Variants in PSMA1 observed in about 807,000 individuals in gnomAD.
PSMA1 encodes proteasome subunit alpha type-1.
PSMA1 carries 3 observed loss-of-function variants against 38.4 expected under a neutral mutation model. That is an observed-to-expected ratio of 0.08 (90% CI 0.04 to 0.20). PSMA1 has a LOEUF of 0.20. Among genes scored for constraint, PSMA1 ranks in the 10% least tolerant of loss-of-function variants. PSMA1 has a pLI of 1.00. For missense variants in PSMA1, 227 were observed against 325.3 expected (o/e 0.70, Z 2.32); for synonymous variants, 101 against 107.1 (o/e 0.94, Z 0.35).
At chr11:14,571,867 G>GT (rs560146631) in intron 2 of PSMA1, among the ~76,000 whole-genome samples, 18 of 152,240 alleles carry the variant, frequency 1.2e-4, no homozygotes, top group African/African-American at 4.1e-4. Flanking sequence ...TGCAAGTCTA[G>GT]TCTCTGATAA....
chr11:14,553,876 A>G (rs989093960), intron 2 of PSMA1, among the ~76,000 whole-genome samples: 35 of 152,202 alleles, frequency 2.3e-4, no homozygotes, highest in Admixed American at 2.3e-3. Context: ...GTATAAGTTT[A>G]GATTTTTAAG....
chr11:14,518,952 C>A, intron 2 of PSMA1, 45 bp downstream of exon 2: 2 of 1,461,870 alleles, frequency 1.4e-6, no homozygotes, highest in South Asian at 2.5e-5. Flanking sequence ...ATATTGCAGC[C>A]ACAAAAAGCC....
intron 2 of PSMA1, among the ~76,000 whole-genome samples, chr11:14,592,230 T>C (rs1852425525): frequency 6.6e-6 from 1 of 152,094 alleles, no homozygotes; most frequent in Admixed American, 6.5e-5. Flanking sequence ...GGCTTCATTC[T>C]TGAAGTCAGT....
intron 1 of PSMA1, among the ~76,000 whole-genome samples, chr11:14,638,183 G>A (rs1853134264): frequency 2.0e-5 from 3 of 152,052 alleles, no homozygotes. Flanking sequence ...TCAGAATGAC[G>A]CTAAAGTTTC....
chr11:14,505,520 T>C (rs577518947), intron 9 of PSMA1, among the ~76,000 whole-genome samples: 29 of 152,248 alleles, frequency 1.9e-4, no homozygotes, highest in Admixed American at 2.6e-4. Flanking sequence ...TCCACTTATA[T>C]GCAGATTTCT....
intron 2 of PSMA1, among the ~76,000 whole-genome samples, chr11:14,582,838 C>T (rs1347046884): frequency 6.6e-6 from 1 of 152,122 alleles, no homozygotes; most frequent in Non-Finnish European, 1.5e-5. Context: ...GCCTCATACA[C>T]TTCTTAATAG....
At chr11:14,569,664 T>G (rs2084593) in intron 2 of PSMA1, among the ~76,000 whole-genome samples, 22,960 of 152,002 alleles carry the variant, frequency 0.15, 2,556 homozygotes, top group African/African-American at 0.31. Flanking sequence ...CTGGAGGAGG[T>G]GCGTCTGCCA....
intron 2 of PSMA1, among the ~76,000 whole-genome samples, chr11:14,539,866 A>G (rs1184511985): frequency 6.6e-6 from 1 of 150,784 alleles, no homozygotes; most frequent in East Asian, 1.9e-4. Context: ...CAAACAAAGA[A>G]AAAAAAAACA....
rs1403154049 is a variant in PSMA1 at position 14,638,572 on chromosome 11, TATATATATATATA to T, written c.-166+4870_-166+4882del. 3.9e-3 allele frequency among the ~76,000 whole-genome samples: 96 copies of T among 24,698 alleles called. 2 individuals carry two copies. The highest frequency in any genetic ancestry group is 8.1e-3 in the South Asian group (6 of 740). 16.2% of individuals were successfully genotyped at this position (24,698 alleles called of 152,430 possible). A position where few individuals can be genotyped will look rare whatever the true frequency, so the allele number is the denominator to read the frequency against. On this transcript the variant is annotated intron_variant, in intron 1 of 10. Transcript: ENST00000418988. ...ATATATATATATATATATATATATA[TATATATATATATA>T]TTTTTTTTTTTTTTTTTTTTTTTTT... is the stretch of plus-strand genomic sequence containing the variant.
intron 2 of PSMA1, among the ~76,000 whole-genome samples, chr11:14,577,208 C>T (rs571243786): frequency 6.6e-6 from 1 of 152,262 alleles, no homozygotes; most frequent in East Asian, 1.9e-4. Flanking sequence ...TATTTGATTC[C>T]ATGAAAGCCC....
chr11:14,566,848 G>A (rs1852078157), intron 2 of PSMA1, among the ~76,000 whole-genome samples: 1 of 152,090 alleles, frequency 6.6e-6, no homozygotes, highest in South Asian at 2.1e-4. Flanking sequence ...AGATAACCAA[G>A]ACAAATCAAA....
intron 9 of PSMA1, 183 bp downstream of exon 9, chr11:14,507,473 T>G (rs1589976019): frequency 3.8e-6 from 2 of 533,012 alleles, no homozygotes; most frequent in East Asian, 3.5e-5. Flanking sequence ...GCCCCCTTTT[T>G]GTGTTTATGG....
intron 2 of PSMA1, among the ~76,000 whole-genome samples, chr11:14,571,066 G>A (rs1852133384): frequency 6.6e-6 from 1 of 151,800 alleles, no homozygotes; most frequent in Non-Finnish European, 1.5e-5. Context: ...ATTCTTTTTT[G>A]TTTTGTTTTG....
At chr11:14,613,973 G>C (rs1852738887) in intron 1 of PSMA1, among the ~76,000 whole-genome samples, 1 of 152,106 alleles carries the variant, frequency 6.6e-6, no homozygotes, top group South Asian at 2.1e-4. Context: ...CATTCATCCA[G>C]TAAATATTTA....
chr11:14,611,188 T>G, intron 1 of PSMA1: 1 of 544,140 alleles, frequency 1.8e-6, no homozygotes. Context: ...GAACATGAGT[T>G]ATATTAGATC....
intron 2 of PSMA1, among the ~76,000 whole-genome samples, chr11:14,549,688 G>A (rs1851866240): frequency 6.9e-6 from 1 of 145,274 alleles, no homozygotes; most frequent in Admixed American, 6.9e-5. Context: ...GTGACAGAGT[G>A]AGACTCCATC....
intron 1 of PSMA1, among the ~76,000 whole-genome samples, chr11:14,621,825 C>T (rs966363249): frequency 5.9e-5 from 9 of 152,224 alleles, no homozygotes; most frequent in Admixed American, 5.9e-4. Context: ...AGCTTAATGT[C>T]AATCTCTCTA....
chr11:14,638,535 CTCTCTCTCTCTATATATATATA>C (rs1317760495), intron 1 of PSMA1, among the ~76,000 whole-genome samples: 35 of 25,630 alleles, frequency 1.4e-3, no homozygotes, highest in South Asian at 1.5e-3. Context: ...CTCTCTCTCT[CTCTCTCTCTCTATATATATATA>C]TATATATATA....
intron 2 of PSMA1, among the ~76,000 whole-genome samples, chr11:14,573,167 G>A (rs1852167366): frequency 1.3e-5 from 2 of 152,146 alleles, no homozygotes; most frequent in African/African-American, 2.4e-5. Context: ...ATTTTATGAG[G>A]CCAGCATCAT....
Sources: gnomAD v4.1 joint callset for allele counts (sites outside exome capture counted in the v4.1 genomes callset) on GRCh38, gnomAD v4.1.1 for gene constraint, MANE v1.5 for transcripts, NCBI Gene and HGNC (gene_info 2026-07-23, HGNC 2026-07-21) for gene names.